The following KCND2 variants were observed in gnomAD, a reference collection of about 807,000 sequenced individuals.
KCND2 encodes A-type voltage-gated potassium channel KCND2.
Under a neutral mutation model 54.4 loss-of-function variants are expected in KCND2, and 16 were observed. That is an observed-to-expected ratio of 0.29 (90% CI 0.20 to 0.45). KCND2 has a LOEUF of 0.45. KCND2 is among the 20% of genes least tolerant of loss of function. The pLI is 1.00. For synonymous variants in KCND2, 317 were observed against 310.7 expected (o/e 1.02, Z -0.21); for missense variants, 486 against 824.2 (o/e 0.59, Z 5.02).
At chr7:120,394,612 G>A (rs746857218) in intron 1 of KCND2, among the ~76,000 whole-genome samples, 1 of 151,940 alleles carries the variant, frequency 6.6e-6, no homozygotes, top group South Asian at 2.1e-4. Context: ...CCAGAACAAG[G>A]AGGAAATCAG....
At chr7:120,391,707 A>G (rs574735359) in intron 1 of KCND2, among the ~76,000 whole-genome samples, 1 of 152,228 alleles carries the variant, frequency 6.6e-6, no homozygotes, top group South Asian at 2.1e-4. Context: ...GGCCACATAA[A>G]TGTCTTCTTT....
intron 1 of KCND2, among the ~76,000 whole-genome samples, chr7:120,588,815 A>G (rs1792633777): frequency 6.6e-6 from 1 of 152,076 alleles, no homozygotes; most frequent in African/African-American, 2.4e-5. Flanking sequence ...ATATTTTTAA[A>G]TTTTCCTTAT....
At chr7:120,276,787 T>C (rs1477155625) in intron 1 of KCND2, among the ~76,000 whole-genome samples, 2 of 152,152 alleles carry the variant, frequency 1.3e-5, no homozygotes, top group South Asian at 2.1e-4. Context: ...AGTAGCAGCA[T>C]TTTACATATT....
chr7:120,468,049 G>T (rs1482691895), intron 1 of KCND2, among the ~76,000 whole-genome samples: 1 of 152,018 alleles, frequency 6.6e-6, no homozygotes, highest in East Asian at 1.9e-4. Flanking sequence ...ATTCATGAAG[G>T]TAGGCTCTGG....
intron 1 of KCND2, among the ~76,000 whole-genome samples, chr7:120,289,526 G>A (rs1799404972): frequency 6.6e-6 from 1 of 151,998 alleles, no homozygotes; most frequent in Non-Finnish European, 1.5e-5. Flanking sequence ...GGATAACAGG[G>A]AAAATAAAAG....
At chr7:120,528,674 C>T (rs2116360124) in intron 1 of KCND2, among the ~76,000 whole-genome samples, 1 of 152,242 alleles carries the variant, frequency 6.6e-6, no homozygotes, top group African/African-American at 2.4e-5. Context: ...ACACATTTTG[C>T]TGCAATGATT....
chr7:120,564,961 C>T (rs1792278518), intron 1 of KCND2, among the ~76,000 whole-genome samples: 1 of 152,136 alleles, frequency 6.6e-6, no homozygotes, highest in South Asian at 2.1e-4. Flanking sequence ...TATACCTACT[C>T]ATGTAGAGTA....
At chr7:120,660,990 GT>G (rs1461613393) in intron 1 of KCND2, among the ~76,000 whole-genome samples, 1 of 152,090 alleles carries the variant, frequency 6.6e-6, no homozygotes, top group Non-Finnish European at 1.5e-5. Context: ...TTTTTATATA[GT>G]TAAGGGGAAC....
intron 1 of KCND2, among the ~76,000 whole-genome samples, chr7:120,505,913 A>G (rs1483471219): frequency 6.6e-6 from 1 of 151,876 alleles, no homozygotes; most frequent in Non-Finnish European, 1.5e-5. Context: ...CACATTTGAC[A>G]TTCAAATATA....
chr7:120,616,250 A>G (rs77006641), intron 1 of KCND2, among the ~76,000 whole-genome samples: 11,132 of 152,214 alleles, frequency 0.073, 502 homozygotes, highest in African/African-American at 0.12. Context: ...AAATCATTTT[A>G]CCCCACTGAC....
intron 4 of KCND2, 130 bp downstream of exon 4, chr7:120,742,732 AC>A: frequency 1.3e-6 from 1 of 742,190 alleles, no homozygotes; most frequent in Non-Finnish European, 2.4e-6. Context: ...AAACAAACAA[AC>A]CAAAACCCCA....
chr7:120,697,332 C>T (rs1050982411), intron 1 of KCND2, among the ~76,000 whole-genome samples: 1 of 152,020 alleles, frequency 6.6e-6, no homozygotes, highest in African/African-American at 2.4e-5. Context: ...TTTTTTCTTC[C>T]TAGATGGGTA....
chr7:120,425,134 T>C (rs1220425974), intron 1 of KCND2, among the ~76,000 whole-genome samples: 1 of 152,228 alleles, frequency 6.6e-6, no homozygotes, highest in Admixed American at 6.5e-5. Context: ...CCTCTCCTTA[T>C]GCTCTTCACT....
At chr7:120,341,700 A>C (rs1044785257) in intron 1 of KCND2, among the ~76,000 whole-genome samples, 1 of 152,170 alleles carries the variant, frequency 6.6e-6, no homozygotes, top group Non-Finnish European at 1.5e-5. Context: ...AAGAAGATTA[A>C]GGAATTAAGA....
intron 1 of KCND2, among the ~76,000 whole-genome samples, chr7:120,462,919 T>C (rs1421286258): frequency 6.6e-6 from 1 of 152,086 alleles, no homozygotes; most frequent in Non-Finnish European, 1.5e-5. Flanking sequence ...ATCATGGTTG[T>C]ACTCTGCTTT....
intron 1 of KCND2, among the ~76,000 whole-genome samples, chr7:120,495,990 C>T (rs1215711935): frequency 6.6e-6 from 1 of 151,566 alleles, no homozygotes; most frequent in Non-Finnish European, 1.5e-5. Context: ...GGGCAAAAAT[C>T]CCATTAAAAA....
chr7:120,743,544 G>A (rs938771721), intron 4 of KCND2, among the ~76,000 whole-genome samples: 3 of 152,176 alleles, frequency 2.0e-5, no homozygotes, highest in Admixed American at 2.0e-4. Flanking sequence ...CAACAACGGT[G>A]CCACAGTCAA....
intron 1 of KCND2, among the ~76,000 whole-genome samples, chr7:120,346,595 G>A (rs1218519236): frequency 6.6e-6 from 1 of 152,024 alleles, no homozygotes; most frequent in Non-Finnish European, 1.5e-5. Context: ...TGAGAAAACT[G>A]TATATTTATG....
chr7:120,605,740 T>C (rs1050597651), intron 1 of KCND2, among the ~76,000 whole-genome samples: 1 of 152,236 alleles, frequency 6.6e-6, no homozygotes, highest in African/African-American at 2.4e-5. Context: ...TTATTATCTA[T>C]CTTTTTGATT....
Sources: allele counts gnomAD v4.1 joint callset (sites outside exome capture counted in the v4.1 genomes callset), GRCh38; gene constraint gnomAD v4.1.1; transcripts MANE v1.5; gene names NCBI Gene and HGNC (gene_info 2026-07-23, HGNC 2026-07-21).